Variants in MIB1 observed in about 807,000 individuals in gnomAD.
MIB1 encodes E3 ubiquitin-protein ligase MIB1.
Under a neutral mutation model 124.5 loss-of-function variants are expected in MIB1, and 278 were observed. The observed-to-expected ratio is 2.23, with a 90% CI of 2.02 to 2.47. The LOEUF (loss-of-function observed/expected upper bound fraction) is 2.47. Among genes scored for constraint, MIB1 ranks in the 30% most tolerant of loss-of-function variants. MIB1 has a pLI of 0.00. For missense variants in MIB1, 957 were observed against 1,254.4 expected (o/e 0.76, Z 3.58); for synonymous variants, 446 against 429.4 (o/e 1.04, Z -0.48).
chr18:21,856,613 A>G (rs2042231516), intron 18 of MIB1, among the ~76,000 whole-genome samples: 1 of 152,228 alleles, frequency 6.6e-6, no homozygotes, highest in African/African-American at 2.4e-5. Flanking sequence ...TAATGCCTGC[A>G]GGGCCTAAAA....
rs1315015433 is a variant in MIB1, at chr18:21,798,162, A to C, written c.1171A>C (p.Thr391Pro). The stretch of plus-strand genomic sequence containing the variant: ...GGTGGAAGTTTGTGGAACATCTTGG[A>C]CATACAATCCAGCAGCAGTTTCCAA... ...LKVEVCGTSW[T>P]YNPAAVSKVA... Residue 391 changes from threonine to proline, a missense_variant, in exon 8 of 21, where the codon ACA becomes CCA. Coordinates refer to ENST00000261537, the MANE Select transcript of MIB1 (RefSeq NM_020774.4). 1 of 1,613,348 alleles carries C rather than the reference A, an allele frequency of 6.2e-7. No homozygotes were observed. The highest frequency in any genetic ancestry group is 1.1e-5 in the South Asian group (1 of 91,048).
intron 13 of MIB1, among the ~76,000 whole-genome samples, chr18:21,841,686 T>A (rs748301512): frequency 6.6e-6 from 1 of 152,134 alleles, no homozygotes; most frequent in Non-Finnish European, 1.5e-5. Flanking sequence ...GTTTGACATA[T>A]ATTTATCATG....
chr18:21,752,266 C>G (rs932677909), intron 1 of MIB1, among the ~76,000 whole-genome samples: 6 of 152,158 alleles, frequency 3.9e-5, no homozygotes, highest in Non-Finnish European at 8.8e-5. Context: ...GTGACATTGT[C>G]ATATCTGCTC....
chr18:21,786,560 T>A (rs1321933384), intron 6 of MIB1, among the ~76,000 whole-genome samples: 1 of 152,180 alleles, frequency 6.6e-6, no homozygotes, highest in Non-Finnish European at 1.5e-5. Flanking sequence ...CTCAACTCTC[T>A]CTTGAATGCC....
Position 21,740,887 on chromosome 18 carries a change from G to A in MIB1, c.-697G>A, listed in dbSNP as rs953497605. 1.1e-4 allele frequency among the ~76,000 whole-genome samples: 17 copies of A among 152,230 alleles called. No homozygotes were observed. The highest frequency in any genetic ancestry group is 3.9e-4 in the African/African-American group (16 of 41,474). On this transcript the variant is annotated 5_prime_UTR_variant, in exon 1 of 21. Transcript: ENST00000261537. Reference sequence around the variant, plus strand: ...GAAGCCTTCCCACTCTATTATTGCCGAGGATCCCCCTCCTAGACACTCTGA... The same window carrying A: ...GAAGCCTTCCCACTCTATTATTGCCAAGGATCCCCCTCCTAGACACTCTGA...
intron 6 of MIB1, among the ~76,000 whole-genome samples, chr18:21,783,579 T>C (rs2041397190): frequency 6.6e-6 from 1 of 152,060 alleles, no homozygotes; most frequent in Non-Finnish European, 1.5e-5. Flanking sequence ...TTAGTTCATT[T>C]ACATTCATTG....
At chr18:21,760,610 A>G (rs1446434467) in intron 1 of MIB1, among the ~76,000 whole-genome samples, 1 of 152,108 alleles carries the variant, frequency 6.6e-6, no homozygotes, top group East Asian at 1.9e-4. Flanking sequence ...GAATTTTTTT[A>G]ACCAGTTGTC....
intron 11 of MIB1, among the ~76,000 whole-genome samples, chr18:21,816,211 C>T (rs1375838740): frequency 3.3e-5 from 5 of 151,940 alleles, no homozygotes; most frequent in Admixed American, 6.6e-5. Context: ...TTTGAATAGT[C>T]GTTAGTGTAA....
chr18:21,733,112 C>T (rs1341708252), intron 1 of MIB1, among the ~76,000 whole-genome samples: 1 of 152,142 alleles, frequency 6.6e-6, no homozygotes, highest in Non-Finnish European at 1.5e-5. Context: ...TGTGTTCCAT[C>T]TCTTTTTGCA....
intron 3 of MIB1, 138 bp downstream of exon 3, chr18:21,768,890 C>T (rs1186305379): frequency 1.6e-5 from 12 of 736,866 alleles, no homozygotes; most frequent in Non-Finnish European, 2.1e-5. Flanking sequence ...TTTCTTTTTT[C>T]TCTGGAAGTA....
intron 1 of MIB1, among the ~76,000 whole-genome samples, chr18:21,758,616 C>T (rs1485538003): frequency 1.3e-5 from 2 of 151,908 alleles, no homozygotes; most frequent in Non-Finnish European, 2.9e-5. Context: ...CTCACTGCAA[C>T]CTCCGCCTCC....
chr18:21,769,661 G>T (rs1220772170), intron 3 of MIB1, among the ~76,000 whole-genome samples: 1 of 152,166 alleles, frequency 6.6e-6, no homozygotes, highest in Non-Finnish European at 1.5e-5. Flanking sequence ...TTTTGAAAGA[G>T]TATGTGAGAA....
chr18:21,712,039 T>C (rs2040668097), intron 1 of MIB1: 1 of 172,160 alleles, frequency 5.8e-6, no homozygotes, highest in South Asian at 1.5e-4. Flanking sequence ...TATTCTTCTG[T>C]GTACTCTGCT....
At chr18:21,817,114 G>C (rs1001367262) in intron 11 of MIB1, among the ~76,000 whole-genome samples, 3 of 149,956 alleles carry the variant, frequency 2.0e-5, no homozygotes, top group Non-Finnish European at 4.4e-5. Flanking sequence ...GGAGTAGAAG[G>C]TAGATGGTAG....
chr18:21,809,850 C>T (rs1360042292), intron 10 of MIB1, among the ~76,000 whole-genome samples: 1 of 152,006 alleles, frequency 6.6e-6, no homozygotes, highest in South Asian at 2.1e-4. Flanking sequence ...GCAAGGATAC[C>T]TGCTTTTACC....
intron 7 of MIB1, among the ~76,000 whole-genome samples, chr18:21,791,921 CT>C (rs1244021403): frequency 6.6e-6 from 1 of 152,196 alleles, no homozygotes; most frequent in African/African-American, 2.4e-5. Flanking sequence ...GGGCCTGCCT[CT>C]TTAAAACTTG....
In MIB1 at chr18:21,706,957, A is replaced by T. The variant is rs1031836023; in HGVS notation, n.167+1834A>T. On this transcript the variant is annotated intron_variant and non_coding_transcript_variant, in intron 1 of 20. Transcript: ENST00000578646. Reference sequence around the variant, plus strand: ...CTGCGGCTCCCCTGTGGGATCCACTAGGTGAAGCCAGCTGGGCTCCTGAGT... The same window carrying T: ...CTGCGGCTCCCCTGTGGGATCCACTTGGTGAAGCCAGCTGGGCTCCTGAGT... 2.0e-5 allele frequency among the ~76,000 whole-genome samples: 3 copies of T among 152,220 alleles called. No homozygotes were observed. In the East Asian group the frequency reaches 5.8e-4, roughly 29 times the overall value.
rs45524935 is a variant in MIB1 at position 21,799,722 on chromosome 18, CAT to C, written c.1238-118_1238-117del. On this transcript the variant is annotated intron_variant, in intron 8 of 20. Coordinates refer to ENST00000261537, the MANE Select transcript of MIB1 (RefSeq NM_020774.4). ...ATAACTTGCATGGGTAGAAAAATAACATTAATGATGGAAAGAATAAAATAGGA... is the reference window on the plus strand; with the variant it reads ...ATAACTTGCATGGGTAGAAAAATAACTAATGATGGAAAGAATAAAATAGGA... 13,678 of 1,014,324 alleles carry C rather than the reference CAT, an allele frequency of 0.013. 127 individuals carry two copies. The highest frequency in any genetic ancestry group is 0.017 in the Non-Finnish European group (12,358 of 730,756). 62.8% of individuals were successfully genotyped at this position (1,014,324 alleles called of 1,614,324 possible). A position where few individuals can be genotyped will look rare whatever the true frequency, so the allele number is the denominator to read the frequency against.
chr18:21,779,346 T>C (rs2041330474), intron 5 of MIB1, 135 bp from the exon 6 acceptor site: 4 of 684,588 alleles, frequency 5.8e-6, no homozygotes, highest in South Asian at 3.9e-5. Flanking sequence ...TTTATACTTA[T>C]AGGGAATTCT....
Sources: gnomAD v4.1 joint callset for allele counts (sites outside exome capture counted in the v4.1 genomes callset) on GRCh38, gnomAD v4.1.1 for gene constraint, MANE v1.5 for transcripts, NCBI Gene and HGNC (gene_info 2026-07-23, HGNC 2026-07-21) for gene names.